Variants in MYH6 observed in about 807,000 individuals in gnomAD.
MYH6 encodes myosin heavy chain 6, also known as myosin-6.
A neutral mutation model predicts 223.2 loss-of-function variants in MYH6; 126 were observed. That is an observed-to-expected ratio of 0.56 (90% confidence interval 0.49 to 0.65). MYH6 has a LOEUF of 0.65. Among genes scored for constraint, MYH6 ranks in the 30% least tolerant of loss-of-function variants. MYH6 has a pLI of 0.00. For missense variants in MYH6, 2,040 were observed against 2,536.4 expected (o/e 0.80, Z 4.20); for synonymous variants, 978 against 1,010.2 (o/e 0.97, Z 0.61).
rs1244161023 is a variant in MYH6, at chr14:23,393,369, C to A, written c.3078G>T (p.Lys1026Asn). Residue 1026 changes from lysine to asparagine, a missense_variant, in exon 23 of 39, where the codon AAG (lysine) becomes AAT (asparagine). Physicochemically the swap from Lys to Asn is moderately conservative, Grantham distance 94. Coordinates refer to ENST00000405093, the MANE Select transcript of MYH6 (RefSeq NM_002471.4). Reference sequence around the variant, plus strand: ...CATCCACCTGCTGCTCCAGCTTGACCTTAGACTTGGACAGGCTGTTGACCT... The same window carrying A: ...CATCCACCTGCTGCTCCAGCTTGACATTAGACTTGGACAGGCTGTTGACCT... Reference protein sequence around the residue: ...EDKVNSLSKSKVKLEQQVDDL... With the variant: ...EDKVNSLSKSNVKLEQQVDDL... 4 of 1,614,192 alleles carry A rather than the reference C, an allele frequency of 2.5e-6. No homozygotes were observed. The highest frequency in any genetic ancestry group is 3.4e-6 in the Non-Finnish European group (4 of 1,180,036).
At chr14:23,394,721 G>A (rs1891342957) in intron 20 of MYH6, among the ~76,000 whole-genome samples, 1 of 152,138 alleles carries the variant, frequency 6.6e-6, no homozygotes, top group Non-Finnish European at 1.5e-5. Flanking sequence ...GAGCTGAAAT[G>A]TTACCAGCCA....
At position 23,390,220 on chromosome 14, in the gene MYH6, G is replaced by A. The variant is rs759117852; in HGVS notation, c.3569C>T (p.Thr1190Ile). 54 of 1,594,690 alleles carry A rather than the reference G, an allele frequency of 3.4e-5. No individual in the cohort carries two copies. Among genetic ancestry groups the A allele is most frequent in the Non-Finnish European group, 4.4e-5 (51 of 1,168,532 alleles). Residue 1190 changes from threonine to isoleucine, a missense_variant, in exon 26 of 39, where the codon ACT (threonine) becomes ATT (isoleucine). Physicochemically the swap from Thr to Ile is moderately conservative, Grantham distance 89 (BLOSUM62 -1). Transcript: ENST00000405093. ...LEEATLQHEA[T>I]AAALRKKHAD... ...GTGCTTCTTGCGCAGGGCCGCGGCA[G>A]TGGCCTCGTGCTGCAGCGTGGCCTC... is the stretch of plus-strand genomic sequence containing the variant.
chr14:23,405,229 G>T lies in MYH6; in HGVS notation c.496C>A (p.Leu166Met). 6.2e-7 allele frequency: 1 copy of T among 1,614,122 alleles called. No individual in the cohort carries two copies. The highest frequency in any genetic ancestry group is 8.5e-7 in the Non-Finnish European group (1 of 1,180,050). ...CAGGGGCCACCAGGCTCACCTGTCA[G>T]CATGTACTGATAGGCGTTGTCGGAG... ...SISDNAYQYM[L>M]TDRENQSILI... Residue 166 changes from leucine to methionine, a missense_variant, in exon 5 of 39, where the codon CTG (leucine) becomes ATG (methionine). Transcript: ENST00000405093. This position sits in a 1 kb window ranked among gnomAD's most constrained non-coding sequence, Gnocchi z 4.7.
Position 23,407,327 on chromosome 14 carries a change from C to A in MYH6, c.-13-91G>T. The stretch of plus-strand genomic sequence containing the variant: ...CCTCTGCAGCCCCCCTCCCTACCCC[C>A]GCTCCTCTCCTCCACCCTGGGAGAG... On this transcript the variant is annotated intron_variant, in intron 2 of 38. Coordinates refer to ENST00000405093, the MANE Select transcript of MYH6 (RefSeq NM_002471.4). This position sits in a 1 kb window ranked among gnomAD's most constrained non-coding sequence, Gnocchi z 5.6. 4 of 1,457,014 alleles carry A rather than the reference C, an allele frequency of 2.7e-6. No individual in the cohort carries two copies. The highest frequency in any genetic ancestry group is 1.2e-5 in the South Asian group (1 of 86,222). The allele number at this position is 1,457,014 out of a possible 1,614,324, so 90.3% of individuals were successfully genotyped here. A position where few individuals can be genotyped will look rare whatever the true frequency, so the allele number is the denominator to read the frequency against.
chr14:23,395,721 G>T (rs1427345400), intron 20 of MYH6, among the ~76,000 whole-genome samples: 1 of 152,050 alleles, frequency 6.6e-6, no homozygotes, highest in Non-Finnish European at 1.5e-5. Flanking sequence ...GTAGAGATGG[G>T]GTTTCACCAT....
intron 9 of MYH6, 74 bp from the exon 10 acceptor site, chr14:23,403,520 G>T: frequency 7.4e-7 from 1 of 1,350,332 alleles, no homozygotes; most frequent in Non-Finnish European, 1.1e-6. Context: ...GGCCATGGGG[G>T]CAGAGGGCAG....
intron 29 of MYH6, chr14:23,388,554 C>A (rs1382817410): frequency 2.3e-6 from 2 of 881,400 alleles, no homozygotes; most frequent in African/African-American, 3.3e-5. Flanking sequence ...TCAGTGCCCC[C>A]TGCCCTCACC....
rs374702183 is a variant in MYH6, at chr14:23,386,579, T to C, written c.4695A>G (p.Leu1565=). ...HEEGKILRAQ[L]EFNQIKAEIE... is the part of the protein sequence containing the mutation. ...TCTCTGCCTTGATCTGGTTGAACTC[T>C]AGCTGGGCCCGGAGGATCTTGCCCT... The change falls in exon 33 of 39, where the codon CTA becomes CTG. Residue 1565 remains leucine (L), a synonymous_variant. Coordinates refer to ENST00000405093, the MANE Select transcript of MYH6 (RefSeq NM_002471.4). 4.4e-5 allele frequency: 71 copies of C among 1,612,620 alleles called. No homozygotes were observed. Among genetic ancestry groups the C allele is most frequent in the East Asian group, 1.1e-4 (5 of 44,824 alleles).
chr14:23,397,463 A>G, intron 16 of MYH6, 80 bp downstream of exon 16: 6 of 1,515,980 alleles, frequency 4.0e-6, no homozygotes, highest in African/African-American at 1.4e-5. Flanking sequence ...AAACTCAAGC[A>G]TCAGAATAGG....
At chr14:23,386,655 AG>A in intron 32 of MYH6, 32 bp from the exon 33 acceptor site, 1 of 1,589,290 alleles carries the variant, frequency 6.3e-7, no homozygotes. Context: ...GCGGGCAGAC[AG>A]GGCACAGGGC....
chr14:23,405,838 C>T lies in MYH6; in HGVS notation c.202-68G>A. 1 of 1,600,342 alleles carries T rather than the reference C, an allele frequency of 6.2e-7. No homozygotes were observed. The highest frequency in any genetic ancestry group is 1.7e-5 in the Admixed American group (1 of 59,948). On this transcript the variant is annotated intron_variant, in intron 3 of 38. Coordinates refer to ENST00000405093, the MANE Select transcript of MYH6 (RefSeq NM_002471.4). The surrounding 1 kb of genome is among the most constrained non-coding windows in gnomAD (Gnocchi z 4.7). ...CTCCGGGACCCTTGCCAGCACTGCC[C>T]ACTGACCTCCTCCCAGGACACAGGG...
At chr14:23,388,049 C>CT in intron 30 of MYH6, 106 bp downstream of exon 30, 1 of 1,595,896 alleles carries the variant, frequency 6.3e-7, no homozygotes, top group Non-Finnish European at 8.6e-7. Flanking sequence ...CGAGCCTGGG[C>CT]TTAGCCCTCC....
chr14:23,403,970 C>T (rs1437700439), intron 8 of MYH6, among the ~76,000 whole-genome samples, 192 bp from the exon 9 acceptor site: 2 of 152,198 alleles, frequency 1.3e-5, no homozygotes, highest in Non-Finnish European at 2.9e-5. Flanking sequence ...CTAGTGGAAC[C>T]TCGGCCCAGA....
chr14:23,403,605 G>C lies in MYH6; in HGVS notation c.799+110C>G, dbSNP rs370907936. The C allele has an allele frequency of 1.5e-5, 19 of 1,227,216 alleles. No homozygotes were observed. The South Asian group carries it at 2.2e-4, about 14-fold the overall frequency. The allele number at this position is 1,227,216 out of a possible 1,614,324, so 76.0% of individuals were successfully genotyped here. A position where few individuals can be genotyped will look rare whatever the true frequency, so the allele number is the denominator to read the frequency against. On this transcript the variant is annotated intron_variant, in intron 9 of 38. Coordinates refer to ENST00000405093, the MANE Select transcript of MYH6 (RefSeq NM_002471.4). Reference sequence around the variant, plus strand: ...AATAAAAAGGATCCTAAAGCCCAGAGGCAAATGCAGACAAAACAGGAGATG... The same window carrying C: ...AATAAAAAGGATCCTAAAGCCCAGACGCAAATGCAGACAAAACAGGAGATG...
chr14:23,386,029 C>T lies in MYH6; in HGVS notation c.5062G>A (p.Glu1688Lys), dbSNP rs727504739. ...TGCTCCACCACGGCACGCAGCTCCT[C>T]CAGCTCAGCCTGCAGCAGGTTGTTG... is the stretch of plus-strand genomic sequence containing the variant. ...RRNNLLQAEL[E>K]ELRAVVEQTE... The change falls in exon 34 of 39, where the codon GAG becomes AAG. Residue 1688 changes from glutamate (E) to lysine (K), a missense_variant. Coordinates refer to ENST00000405093, the MANE Select transcript of MYH6 (RefSeq NM_002471.4). 1 of 1,614,222 alleles carries T rather than the reference C, an allele frequency of 6.2e-7. No homozygotes were observed. Among genetic ancestry groups the T allele is most frequent in the Non-Finnish European group, 8.5e-7 (1 of 1,180,042 alleles).
rs141062252 is a variant in MYH6 at position 23,389,008 on chromosome 14, G to T, written c.4026C>A (p.Cys1342Ter). 4.8e-5 allele frequency: 78 copies of T among 1,613,094 alleles called. No individual in the cohort carries two copies. The highest frequency in any genetic ancestry group is 6.7e-5 in the Admixed American group (4 of 59,982). The change falls in exon 29 of 39, where the codon TGC becomes TGA. Residue 1342 changes from cysteine to a stop codon, truncating the protein, a stop_gained. Coordinates refer to ENST00000405093, the MANE Select transcript of MYH6 (RefSeq NM_002471.4). LOFTEE classifies it high-confidence loss of function. Reference sequence around the variant, plus strand: ...CCTCGTACTGCTCCCGCAGCAGGTCGCAGTCATGCCGGGCCGACTGCAGTG... The same window carrying T: ...CCTCGTACTGCTCCCGCAGCAGGTCTCAGTCATGCCGGGCCGACTGCAGTG... The part of the protein sequence containing the change: ...AHALQSARHD[C>*]DLLREQYEEE...
At chr14:23,384,307 T>C (rs1435050336) in intron 36 of MYH6, 135 bp downstream of exon 36, 13 of 1,389,606 alleles carry the variant, frequency 9.4e-6, no homozygotes, top group Non-Finnish European at 1.3e-5. Flanking sequence ...TCAAACTGAC[T>C]GCAGAGCGTG....
Position 23,394,049 on chromosome 14 carries a change from G to A in MYH6, c.2685+19C>T. ...GGGGAGGGGAGGAGAGGGCTGAAGA[G>A]ATAATCACGTGGCCTCACCGCCTGC... is the stretch of plus-strand genomic sequence containing the variant. On this transcript the variant is annotated intron_variant, in intron 21 of 38. Transcript: ENST00000405093. 6.2e-7 allele frequency: 1 copy of A among 1,614,046 alleles called. No homozygotes were observed. The highest frequency in any genetic ancestry group is 8.5e-7 in the Non-Finnish European group (1 of 1,180,030).
rs1010125503 is a variant in MYH6, at chr14:23,393,177, C to A, written c.3106-120G>T. The stretch of plus-strand genomic sequence containing the variant: ...TGGAAGTCAAACCAACAGAGAAATC[C>A]TGCAAGCACAAAGGATTCAGAGACC... On this transcript the variant is annotated intron_variant, in intron 23 of 38. Transcript: ENST00000405093. The A allele has an allele frequency of 2.0e-6, 3 of 1,504,810 alleles. No homozygotes were observed. In the South Asian group the frequency reaches 3.5e-5, roughly 17 times the overall value. The allele number at this position is 1,504,810 out of a possible 1,614,324, so 93.2% of individuals were successfully genotyped here.
Sources: gnomAD v4.1 joint callset for allele counts (sites outside exome capture counted in the v4.1 genomes callset) on GRCh38, gnomAD v4.1.1 for gene constraint, Gnocchi (gnomAD v3.1) non-coding constraint, MANE v1.5 for transcripts, NCBI Gene and HGNC (gene_info 2026-07-23, HGNC 2026-07-21) for gene names.